The following STXBP6 variants were observed in gnomAD, a reference collection of about 807,000 sequenced individuals.
STXBP6 encodes syntaxin binding protein 6.
STXBP6 carries 21 observed loss-of-function variants against 26.9 expected under a neutral mutation model. That is an observed-to-expected ratio of 0.78 (90% CI 0.55 to 1.12). The LOEUF (loss-of-function observed/expected upper bound fraction) is 1.12. Among genes scored for constraint, STXBP6 ranks in the 50% most tolerant of loss-of-function variants. The pLI is 0.00. For missense variants in STXBP6, 232 were observed against 257.9 expected, an observed-to-expected ratio of 0.90 and a Z score of 0.69; for synonymous variants, 97 against 92.6, an observed-to-expected ratio of 1.05 and a Z score of -0.27.
At chr14:24,818,060 A>G in intron 5 of STXBP6, 1 of 456,718 alleles carries the variant, frequency 2.2e-6, no homozygotes, top group Non-Finnish European at 4.4e-6. Flanking sequence ...TTTCCTCAGC[A>G]GAAGTGGTGT....
chr14:24,838,611 G>A (rs1409306122), intron 4 of STXBP6, among the ~76,000 whole-genome samples: 1 of 152,012 alleles, frequency 6.6e-6, no homozygotes, highest in African/African-American at 2.4e-5. Flanking sequence ...TTGAACTCGG[G>A]AGATGGAGGT....
chr14:24,932,280 G>A (rs1186713607), intron 2 of STXBP6, among the ~76,000 whole-genome samples: 1 of 152,206 alleles, frequency 6.6e-6, no homozygotes. Context: ...GGTAGCGGGT[G>A]CCTGTAGTCC....
chr14:24,841,047 T>C (rs1171440561), intron 4 of STXBP6, among the ~76,000 whole-genome samples: 1 of 152,230 alleles, frequency 6.6e-6, no homozygotes, highest in Non-Finnish European at 1.5e-5. Flanking sequence ...TTTACCATGT[T>C]TGCAATCGTT....
chr14:24,918,837 G>A (rs1353647275), intron 2 of STXBP6, among the ~76,000 whole-genome samples: 1 of 151,982 alleles, frequency 6.6e-6, no homozygotes, highest in African/African-American at 2.4e-5. Flanking sequence ...TAAATATAAG[G>A]TTTCAATTTT....
At chr14:24,994,476 A>G (rs541309315) in intron 1 of STXBP6, among the ~76,000 whole-genome samples, 1 of 152,128 alleles carries the variant, frequency 6.6e-6, no homozygotes, top group Non-Finnish European at 1.5e-5. Context: ...TCCCTTCACA[A>G]AGCTATTTCC....
rs140378788 is a variant in STXBP6, at chr14:25,042,638, G to A, written c.-33+7240C>T. ...TTCACACTCGGCCCTGTCCCATTCC[G>A]AAGCCATCTTCTCTAAACTGTATCA... On this transcript the variant is annotated intron_variant, in intron 1 of 5. Transcript: ENST00000323944. Among the ~76,000 whole-genome samples, 218 of 152,258 alleles carry A rather than the reference G, an allele frequency of 1.4e-3. 1 individual carries two copies. Among genetic ancestry groups the A allele is most frequent in the African/African-American group, 3.9e-3 (161 of 41,554 alleles).
chr14:24,873,470 T>C (rs993687165), intron 2 of STXBP6, among the ~76,000 whole-genome samples: 6 of 152,130 alleles, frequency 3.9e-5, no homozygotes, highest in African/African-American at 1.2e-4. Context: ...CACTCTCTCA[T>C]GTGTCCCAAT....
At chr14:24,931,136 A>AC (rs1227102481) in intron 2 of STXBP6, among the ~76,000 whole-genome samples, 1 of 117,810 alleles carries the variant, frequency 8.5e-6, no homozygotes, top group Non-Finnish European at 1.8e-5. Context: ...AAAAAAAAAA[A>AC]AAAAAACCCA....
At chr14:25,017,532 A>C (rs1356974544) in intron 1 of STXBP6, among the ~76,000 whole-genome samples, 1 of 152,234 alleles carries the variant, frequency 6.6e-6, no homozygotes, top group Non-Finnish European at 1.5e-5. Flanking sequence ...ATACTTGGTT[A>C]CCAAGATAAA....
intron 1 of STXBP6, among the ~76,000 whole-genome samples, chr14:25,040,144 G>T (rs1250809619): frequency 1.3e-5 from 2 of 152,138 alleles, no homozygotes; most frequent in African/African-American, 4.8e-5. Flanking sequence ...AGGTCATACA[G>T]TTCAACCTAA....
At chr14:24,944,628 A>C (rs1467675992) in intron 2 of STXBP6, among the ~76,000 whole-genome samples, 4 of 152,148 alleles carry the variant, frequency 2.6e-5, no homozygotes, top group Non-Finnish European at 5.9e-5. Context: ...TGCCTACCTA[A>C]GTTGTTAATG....
intron 1 of STXBP6, among the ~76,000 whole-genome samples, chr14:25,041,671 T>TATTC (rs1314640054): frequency 6.6e-6 from 1 of 152,154 alleles, no homozygotes; most frequent in African/African-American, 2.4e-5. Context: ...GCAGCACACA[T>TATTC]ATTCACCTGC....
At position 24,811,307 on chromosome 14, in the gene STXBP6, G is replaced by A. The variant is rs558525253; in HGVS notation, c.*1402C>T. The A allele has an allele frequency of 2.0e-5, 3 of 152,182 alleles. No homozygotes were observed. Among genetic ancestry groups the A allele is most frequent in the East Asian group, 3.9e-4 (2 of 5,176 alleles). The allele number at this position is 152,182 out of a possible 1,614,324, so 9.4% of individuals were successfully genotyped here. ...TATGTAAGAGGCTGCAATACATATC[G>A]ACTCAATCAGCAAAATGGATAGGAT... On this transcript the variant is annotated 3_prime_UTR_variant, in exon 6 of 6. Transcript: ENST00000323944.
At chr14:24,875,977 T>A (rs1008295746) in intron 2 of STXBP6, among the ~76,000 whole-genome samples, 8 of 152,086 alleles carry the variant, frequency 5.3e-5, no homozygotes, top group African/African-American at 1.9e-4. Flanking sequence ...GTATTTATTA[T>A]CATCACAAGT....
intron 1 of STXBP6, among the ~76,000 whole-genome samples, chr14:24,991,035 AAG>A (rs1342725444): frequency 2.0e-5 from 3 of 151,182 alleles, no homozygotes; most frequent in African/African-American, 7.3e-5. Context: ...AGAGAGACAG[AAG>A]AGAGAGGAGA....
At chr14:25,027,110 T>C (rs926183010) in intron 1 of STXBP6, among the ~76,000 whole-genome samples, 1 of 152,236 alleles carries the variant, frequency 6.6e-6, no homozygotes, top group Non-Finnish European at 1.5e-5. Flanking sequence ...CAGACCAATT[T>C]GACTTGCTTC....
chr14:24,881,734 A>G (rs61109574), intron 2 of STXBP6, among the ~76,000 whole-genome samples: 9 of 152,312 alleles, frequency 5.9e-5, no homozygotes, highest in Non-Finnish European at 8.8e-5. Flanking sequence ...TGCTTGTGAA[A>G]AATAATGACA....
In STXBP6 at chr14:24,974,206, C is replaced by T. The variant is rs887803853; in HGVS notation, c.154+459G>A. On this transcript the variant is annotated intron_variant, in intron 2 of 5. Transcript: ENST00000323944. ...AACGACTTGTGAACTGAATCAACCT[C>T]CTCACATTCCATAAGGTGCCAATAT... Among the ~76,000 whole-genome samples, 5 of 152,162 alleles carry T rather than the reference C, an allele frequency of 3.3e-5. No homozygotes were observed. The East Asian group carries it at 9.6e-4, about 29-fold the overall frequency.
At chr14:24,950,730 A>G (rs1055000021) in intron 2 of STXBP6, among the ~76,000 whole-genome samples, 2 of 152,178 alleles carry the variant, frequency 1.3e-5, no homozygotes, top group Non-Finnish European at 2.9e-5. Flanking sequence ...CTCTAGACAC[A>G]AAACTATTTA....
Sources: gnomAD v4.1 joint callset for allele counts (sites outside exome capture counted in the v4.1 genomes callset) on GRCh38, gnomAD v4.1.1 for gene constraint, MANE v1.5 for transcripts, NCBI Gene and HGNC (gene_info 2026-07-23, HGNC 2026-07-21) for gene names.